The following RBFOX1 variants were observed in gnomAD, a reference collection of about 807,000 sequenced individuals.
RBFOX1 encodes RNA binding protein fox-1 homolog 1.
In RBFOX1, 8 loss-of-function variants were observed where a neutral mutation model predicts 57.7. That is an observed-to-expected ratio of 0.14 (90% CI 0.08 to 0.25). The LOEUF (loss-of-function observed/expected upper bound fraction) is 0.25. Ranked by LOEUF, RBFOX1 falls within the 10% of genes least tolerant of loss-of-function variation. The pLI, the probability that RBFOX1 is intolerant of heterozygous loss-of-function variation, is 1.00. For synonymous variants in RBFOX1, 326 were observed against 222.4 expected (o/e 1.47, Z -4.15); for missense variants, 611 against 548.5 (o/e 1.11, Z -1.14).
chr16:6,536,785 A>G (rs915654014), intron 2 of RBFOX1, among the ~76,000 whole-genome samples: 1 of 152,206 alleles, frequency 6.6e-6, no homozygotes, highest in Non-Finnish European at 1.5e-5. Flanking sequence ...ACAAGAAGTT[A>G]GTAACATTGA....
chr16:6,995,472 G>A (rs929769713), intron 3 of RBFOX1, among the ~76,000 whole-genome samples: 5 of 152,098 alleles, frequency 3.3e-5, no homozygotes, highest in East Asian at 1.9e-4. Flanking sequence ...GACAGAAGAG[G>A]AAGGCTTTGA....
At chr16:6,654,708 A>G (rs938269095) in intron 3 of RBFOX1, 58 bp downstream of exon 3, 54 of 1,353,738 alleles carry the variant, frequency 4.0e-5, no homozygotes, top group Non-Finnish European at 4.3e-5. Flanking sequence ...CTGTGAATTG[A>G]ACCCAGGTGT....
chr16:6,369,577 G>C (rs1046337304), intron 2 of RBFOX1, among the ~76,000 whole-genome samples: 1 of 152,122 alleles, frequency 6.6e-6, no homozygotes, highest in Non-Finnish European at 1.5e-5. Flanking sequence ...CCATGTCCTC[G>C]AGGGCTGGTA....
intron 3 of RBFOX1, among the ~76,000 whole-genome samples, chr16:5,751,754 G>C (rs2053214457): frequency 6.6e-6 from 1 of 152,176 alleles, no homozygotes; most frequent in Admixed American, 6.5e-5. Flanking sequence ...TCCAAATTGA[G>C]ATGGTTTAGT....
At chr16:7,071,536 C>T (rs1460773802) in intron 4 of RBFOX1, among the ~76,000 whole-genome samples, 1 of 151,692 alleles carries the variant, frequency 6.6e-6, no homozygotes, top group Admixed American at 6.6e-5. Context: ...ACAACTTGAT[C>T]ACAAATTGTT....
chr16:6,193,379 T>TATATAATA lies in RBFOX1; in HGVS notation c.-126-123616_-126-123615insATATAATA, dbSNP rs1555545337. Among the ~76,000 whole-genome samples the TATATAATA allele has an allele frequency of 1.7e-3, 105 of 63,106 alleles. 2 individuals are homozygous for TATATAATA. Among genetic ancestry groups the TATATAATA allele is most frequent in the African/African-American group, 4.9e-3 (95 of 19,446 alleles). 41.4% of individuals were successfully genotyped at this position (63,106 alleles called of 152,430 possible). A position where few individuals can be genotyped will look rare whatever the true frequency, so the allele number is the denominator to read the frequency against. On this transcript the variant is annotated intron_variant, in intron 1 of 15. Transcript: ENST00000550418. ...CATTATATATATATATATATATACA[T>TATATAATA]TATATATATATACTATATATATATA...
chr16:6,370,369 A>G (rs1267452338), intron 2 of RBFOX1, among the ~76,000 whole-genome samples: 2 of 148,622 alleles, frequency 1.3e-5, no homozygotes, highest in Non-Finnish European at 3.0e-5. Context: ...AAAGAAAAAA[A>G]AAAAAAAAAA....
chr16:6,568,232 A>G (rs2097294877), intron 2 of RBFOX1, among the ~76,000 whole-genome samples: 1 of 152,150 alleles, frequency 6.6e-6, no homozygotes, highest in African/African-American at 2.4e-5. Context: ...CTCTAGCTCT[A>G]GTTTCCTTGT....
intron 2 of RBFOX1, among the ~76,000 whole-genome samples, chr16:6,436,320 T>C (rs1386576296): frequency 6.6e-6 from 1 of 152,170 alleles, no homozygotes; most frequent in Admixed American, 6.5e-5. Context: ...ATGCCTTTTC[T>C]CTGTTAGTAT....
intron 4 of RBFOX1, among the ~76,000 whole-genome samples, chr16:7,499,619 C>G (rs571154753): frequency 6.6e-6 from 1 of 152,058 alleles, no homozygotes; most frequent in Non-Finnish European, 1.5e-5. Flanking sequence ...AAGATAGACA[C>G]GTTAAAAATC....
chr16:7,188,815 G>C (rs1292792927), intron 4 of RBFOX1, among the ~76,000 whole-genome samples: 1 of 152,180 alleles, frequency 6.6e-6, no homozygotes, highest in Non-Finnish European at 1.5e-5. Flanking sequence ...ACCAAAGAAT[G>C]ACATTGAGTT....
At chr16:6,642,802 C>G (rs1428233953) in intron 2 of RBFOX1, among the ~76,000 whole-genome samples, 1 of 152,044 alleles carries the variant, frequency 6.6e-6, no homozygotes, top group Non-Finnish European at 1.5e-5. Flanking sequence ...GAAAATATCC[C>G]CTTAGGCCCC....
chr16:7,106,984 A>ACACACACACAC (rs1567282011), intron 4 of RBFOX1, among the ~76,000 whole-genome samples: 46 of 148,634 alleles, frequency 3.1e-4, no homozygotes, highest in African/African-American at 9.9e-4. Flanking sequence ...ACACAGTTAA[A>ACACACACACAC]ACACACACAC....
At chr16:6,821,982 GATA>G (rs1332402190) in intron 3 of RBFOX1, among the ~76,000 whole-genome samples, 1 of 152,148 alleles carries the variant, frequency 6.6e-6, no homozygotes, top group Non-Finnish European at 1.5e-5. Context: ...GGGGATGGAT[GATA>G]CTTCGCTGAC....
At chr16:6,339,448 G>A (rs959396582) in intron 2 of RBFOX1, among the ~76,000 whole-genome samples, 1 of 152,194 alleles carries the variant, frequency 6.6e-6, no homozygotes, top group African/African-American at 2.4e-5. Context: ...TCCCGGAGGA[G>A]CTGAGGGCTA....
intron 3 of RBFOX1, among the ~76,000 whole-genome samples, chr16:5,821,296 ATTTTTTTT>A (rs888699204): frequency 1.5e-5 from 2 of 129,344 alleles, no homozygotes; most frequent in Non-Finnish European, 3.2e-5. Flanking sequence ...CTCTTTTTTT[ATTTTTTTT>A]TTTTTTTTTG....
chr16:7,515,017 T>C (rs890629175), intron 4 of RBFOX1, among the ~76,000 whole-genome samples: 1 of 152,162 alleles, frequency 6.6e-6, no homozygotes. Flanking sequence ...TTTACACAAG[T>C]CTACCTTTCA....
intron 2 of RBFOX1, among the ~76,000 whole-genome samples, chr16:6,572,803 A>G (rs1157574207): frequency 6.6e-6 from 1 of 152,076 alleles, no homozygotes; most frequent in Non-Finnish European, 1.5e-5. Flanking sequence ...CATGTTGGCC[A>G]CGCTGGCCTC....
chr16:5,848,141 C>G (rs761239005), intron 3 of RBFOX1, among the ~76,000 whole-genome samples: 3 of 152,130 alleles, frequency 2.0e-5, no homozygotes, highest in Non-Finnish European at 4.4e-5. Context: ...AAATGGCATA[C>G]AAACTGCATG....
Sources: gnomAD v4.1 joint callset for allele counts (sites outside exome capture counted in the v4.1 genomes callset) on GRCh38, gnomAD v4.1.1 for gene constraint, MANE v1.5 for transcripts, NCBI Gene and HGNC (gene_info 2026-07-23, HGNC 2026-07-21) for gene names.